BCL9: variants seen among roughly 807,000 people sequenced by gnomAD.
BCL9 encodes BCL9 transcription coactivator.
A neutral mutation model predicts 88.5 loss-of-function variants in BCL9; 25 were observed. That is an observed-to-expected ratio of 0.28 (90% CI 0.21 to 0.39). BCL9 has a LOEUF of 0.39. Ranked by LOEUF, BCL9 falls within the 10% of genes least tolerant of loss-of-function variation. The probability of loss-of-function intolerance (pLI) is 1.00; values close to 1 mark genes in which losing one functional copy is unlikely to be tolerated. For synonymous variants in BCL9, 711 were observed against 673.3 expected (o/e 1.06, Z -0.87); for missense variants, 1,817 against 1,877.8 (o/e 0.97, Z 0.60).
intron 1 of BCL9, among the ~76,000 whole-genome samples, chr1:147,593,850 A>G (rs1656940938): frequency 6.6e-6 from 1 of 152,216 alleles, no homozygotes. Context: ...CTCTTGGGAT[A>G]TGGGGGAAGA....
At chr1:147,562,474 A>T (rs587739758) in intron 1 of BCL9, among the ~76,000 whole-genome samples, 1 of 152,310 alleles carries the variant, frequency 6.6e-6, no homozygotes, top group South Asian at 2.1e-4. Context: ...TATTTTTCAG[A>T]GACATAATCT....
intron 1 of BCL9, among the ~76,000 whole-genome samples, chr1:147,602,496 C>A (rs932244540): frequency 2.6e-5 from 4 of 152,132 alleles, no homozygotes; most frequent in Admixed American, 2.0e-4. Flanking sequence ...AGGTGTGAGC[C>A]ACTGCGCATG....
intron 1 of BCL9, among the ~76,000 whole-genome samples, chr1:147,576,436 G>A (rs587629161): frequency 5.3e-5 from 8 of 152,222 alleles, no homozygotes; most frequent in African/African-American, 1.4e-4. Flanking sequence ...AGGTCAATTC[G>A]TTCACTTTTC....
intron 1 of BCL9, among the ~76,000 whole-genome samples, chr1:147,570,100 A>G (rs1655808683): frequency 6.6e-6 from 1 of 152,162 alleles, no homozygotes; most frequent in Admixed American, 6.5e-5. Context: ...TTTACTGCTT[A>G]TTTTCTGTGT....
At chr1:147,602,120 C>T (rs1483359002) in intron 1 of BCL9, among the ~76,000 whole-genome samples, 3 of 146,778 alleles carry the variant, frequency 2.0e-5, no homozygotes, top group Non-Finnish European at 3.0e-5. Context: ...AGGGTGGTCT[C>T]GAGCTCCTGA....
chr1:147,611,789 C>G lies in BCL9; in HGVS notation c.-48C>G, dbSNP rs1658015492. Reference sequence around the variant, plus strand: ...TGTTTCTGCTGCAACCCGAGAGGAACTCGGTGAGCCTGTCCCGTTTGTGAC... The same window carrying G: ...TGTTTCTGCTGCAACCCGAGAGGAAGTCGGTGAGCCTGTCCCGTTTGTGAC... On this transcript the variant is annotated 5_prime_UTR_variant, in exon 4 of 10. Transcript: ENST00000234739. The G allele has an allele frequency of 6.3e-7, 1 of 1,590,778 alleles. No homozygotes were observed. Among genetic ancestry groups the G allele is most frequent in the African/African-American group, 1.3e-5 (1 of 74,382 alleles).
intron 1 of BCL9, among the ~76,000 whole-genome samples, chr1:147,566,060 C>T (rs112438996): frequency 5.9e-5 from 9 of 152,264 alleles, no homozygotes; most frequent in African/African-American, 2.2e-4. Context: ...CACAGTGTAC[C>T]TAACAGTTGT....
chr1:147,620,370 G>A lies in BCL9; in HGVS notation c.2215G>A (p.Glu739Lys). Residue 739 changes from glutamate (E) to lysine (K), a missense_variant, in exon 8 of 10, where the codon GAG (glutamate) becomes AAG (lysine). Physicochemically the swap from Glu to Lys is moderately conservative, Grantham distance 56 (BLOSUM62 1). Around this residue, in one of 2 missense-constraint regions of BCL9, gnomAD observed 1,228 missense variants for 1,191.6 expected, o/e 1.03. Coordinates refer to ENST00000234739, the MANE Select transcript of BCL9 (RefSeq NM_004326.4). ...NSQMIPQKMR[E>K]AGAGPEEMLK... ...TCAGATGATACCTCAGAAGATGAGA[G>A]AGGCTGGGGCGGGCCCTGAGGAGAT... 1 of 1,614,210 alleles carries A rather than the reference G, an allele frequency of 6.2e-7. No homozygotes were observed. Among genetic ancestry groups the A allele is most frequent in the Non-Finnish European group, 8.5e-7 (1 of 1,180,034 alleles).
At position 147,568,642 on chromosome 1, in the gene BCL9, A is replaced by G. The variant is rs932860449; in HGVS notation, c.-478+26968A>G. On this transcript the variant is annotated intron_variant, in intron 1 of 9. Coordinates refer to ENST00000234739, the MANE Select transcript of BCL9 (RefSeq NM_004326.4). ...ATAGGAGAGCTGATTCAAGAGGACT[A>G]TTAACAATCTCCTTCTCTTATCTGC... Among the ~76,000 whole-genome samples the G allele has an allele frequency of 2.6e-5, 4 of 152,104 alleles. No individual in the cohort carries two copies. In the East Asian group the frequency reaches 7.7e-4, roughly 29 times the overall value.
At chr1:147,611,327 C>A (rs1657990538) in intron 3 of BCL9, among the ~76,000 whole-genome samples, 1 of 152,166 alleles carries the variant, frequency 6.6e-6, no homozygotes, top group South Asian at 2.1e-4. Flanking sequence ...CACCTGCTCA[C>A]CCTTGCCTGG....
chr1:147,611,242 GT>G (rs1657987622), intron 3 of BCL9, among the ~76,000 whole-genome samples: 1 of 152,138 alleles, frequency 6.6e-6, no homozygotes, highest in Non-Finnish European at 1.5e-5. Flanking sequence ...AAAGACACAA[GT>G]TTTTGAGGGT....
chr1:147,620,121 A>T lies in BCL9; in HGVS notation c.1966A>T (p.Met656Leu), dbSNP rs376171487. ...GMAMEGIRPS[M>L]EMNRMIPGSQ... ...GGCCATGGAAGGCATCAGGCCCAGC[A>T]TGGAGATGAACAGGATGATTCCAGG... Residue 656 changes from methionine to leucine, a missense_variant, in exon 8 of 10, where the codon ATG becomes TTG. Transcript: ENST00000234739. 2.2e-5 allele frequency: 36 copies of T among 1,614,170 alleles called. No individual in the cohort carries two copies. Among genetic ancestry groups the T allele is most frequent in the Middle Eastern group, 3.3e-4 (2 of 6,062 alleles).
At chr1:147,591,236 A>C (rs1246728180) in intron 1 of BCL9, among the ~76,000 whole-genome samples, 1 of 152,194 alleles carries the variant, frequency 6.6e-6, no homozygotes, top group Non-Finnish European at 1.5e-5. Flanking sequence ...TAAAAAAAAT[A>C]ACTCAGTGTA....
intron 1 of BCL9, among the ~76,000 whole-genome samples, chr1:147,580,950 C>T (rs1656338028): frequency 6.6e-6 from 1 of 152,146 alleles, no homozygotes; most frequent in Admixed American, 6.5e-5. Flanking sequence ...AAACCATTGC[C>T]CAACTATGAC....
intron 4 of BCL9, 44 bp from the exon 5 acceptor site, chr1:147,612,839 C>A: frequency 6.4e-7 from 1 of 1,571,968 alleles, no homozygotes; most frequent in Non-Finnish European, 8.7e-7. Context: ...TGCTGACCAG[C>A]TGTATCTGGT....
At chr1:147,560,677 G>C (rs1057359510) in intron 1 of BCL9, among the ~76,000 whole-genome samples, 1 of 151,802 alleles carries the variant, frequency 6.6e-6, no homozygotes, top group Non-Finnish European at 1.5e-5. Flanking sequence ...GAGGCTAAGG[G>C]GGGTTGTGGG....
intron 5 of BCL9, 117 bp downstream of exon 5, chr1:147,613,316 AG>A: frequency 1.0e-6 from 1 of 975,186 alleles, no homozygotes; most frequent in East Asian, 2.5e-5. Context: ...AGTAGGTATC[AG>A]ATTCATGAGT....
chr1:147,580,750 G>A (rs1656328660), intron 1 of BCL9, among the ~76,000 whole-genome samples: 1 of 152,162 alleles, frequency 6.6e-6, no homozygotes, highest in Admixed American at 6.5e-5. Flanking sequence ...TTTTCCTGGT[G>A]GAGACCTTGT....
chr1:147,616,436 A>C (rs606426), intron 7 of BCL9, among the ~76,000 whole-genome samples: 1 of 152,218 alleles, frequency 6.6e-6, no homozygotes, highest in African/African-American at 2.4e-5. Flanking sequence ...TCTGTTTTCT[A>C]TCTGGATCTT....
Sources: allele counts gnomAD v4.1 joint callset (sites outside exome capture counted in the v4.1 genomes callset), GRCh38; gene constraint gnomAD v4.1.1; regional missense constraint gnomAD v4.1.1; transcripts MANE v1.5; gene names NCBI Gene and HGNC (gene_info 2026-07-23, HGNC 2026-07-21).